MAP7: variants seen among roughly 807,000 people sequenced by gnomAD.
The protein encoded by MAP7 is microtubule associated protein 7, also known as ensconsin.
In MAP7, 52 loss-of-function variants were observed where a neutral mutation model predicts 94.8. The observed-to-expected ratio is 0.55, with a 90% CI of 0.44 to 0.69. MAP7 has a LOEUF of 0.69. Ranked by LOEUF, MAP7 falls within the 30% of genes least tolerant of loss-of-function variation. The pLI, the probability that MAP7 is intolerant of heterozygous loss-of-function variation, is 0.00. For synonymous variants in MAP7, 350 were observed against 357.0 expected (o/e 0.98, Z 0.22); for missense variants, 940 against 964.6 (o/e 0.97, Z 0.34).
intron 1 of MAP7, among the ~76,000 whole-genome samples, chr6:136,429,956 C>T (rs1794418382): frequency 1.3e-5 from 2 of 152,162 alleles, no homozygotes; most frequent in South Asian, 4.1e-4. Flanking sequence ...ATTATCCCTG[C>T]CCCACAACAT....
chr6:136,504,779 C>T (rs1306422358), intron 1 of MAP7, among the ~76,000 whole-genome samples: 1 of 152,202 alleles, frequency 6.6e-6, no homozygotes, highest in Non-Finnish European at 1.5e-5. Flanking sequence ...CTCCCAGGTT[C>T]AAGCGATTCT....
At chr6:136,366,206 G>A (rs1206853182) in intron 9 of MAP7, 121 bp downstream of exon 9, 1 of 1,049,090 alleles carries the variant, frequency 9.5e-7, no homozygotes, top group Non-Finnish European at 1.4e-6. Flanking sequence ...TTCCTTTTGG[G>A]AAGAATGCTA....
chr6:136,526,071 T>G, intron 1 of MAP7: 1 of 1,435,102 alleles, frequency 7.0e-7, no homozygotes. Context: ...TGCCTGTTCA[T>G]TTGAGCACTT....
chr6:136,457,090 A>T (rs1803522583), intron 1 of MAP7, among the ~76,000 whole-genome samples: 1 of 151,762 alleles, frequency 6.6e-6, no homozygotes, highest in Admixed American at 6.6e-5. Context: ...AACAAAAAAA[A>T]ATCAGAGATG....
intron 2 of MAP7, among the ~76,000 whole-genome samples, chr6:136,419,553 A>G (rs1790583233): frequency 6.6e-6 from 1 of 152,122 alleles, no homozygotes; most frequent in African/African-American, 2.4e-5. Flanking sequence ...TATAGTATAA[A>G]GAAGGCTGAT....
At chr6:136,403,769 C>T (rs1784818788) in intron 3 of MAP7, among the ~76,000 whole-genome samples, 2 of 152,216 alleles carry the variant, frequency 1.3e-5, no homozygotes, top group Non-Finnish European at 2.9e-5. Flanking sequence ...TCAGCTTCTG[C>T]TTACCTAATC....
intron 3 of MAP7, among the ~76,000 whole-genome samples, chr6:136,395,356 A>G (rs895042101): frequency 2.3e-5 from 3 of 132,512 alleles, no homozygotes; most frequent in Admixed American, 2.2e-4. Context: ...GGTTATTTCT[A>G]TGTCTTCTTT....
At chr6:136,363,337 TG>T (rs986432773) in intron 10 of MAP7, among the ~76,000 whole-genome samples, 2 of 152,354 alleles carry the variant, frequency 1.3e-5, no homozygotes, top group East Asian at 3.9e-4. Context: ...CCTAGAGAGC[TG>T]GTGCCCCAGA....
chr6:136,434,526 T>C (rs548819780), intron 1 of MAP7, among the ~76,000 whole-genome samples: 3 of 151,856 alleles, frequency 2.0e-5, no homozygotes, highest in Non-Finnish European at 4.4e-5. Context: ...CTCTGACTCA[T>C]GTGGGAAAGA....
chr6:136,430,241 T>C (rs1794512446), intron 1 of MAP7, among the ~76,000 whole-genome samples: 1 of 152,196 alleles, frequency 6.6e-6, no homozygotes, highest in Non-Finnish European at 1.5e-5. Flanking sequence ...AACAACGAAC[T>C]GAAAAGAGGG....
intron 1 of MAP7, among the ~76,000 whole-genome samples, chr6:136,518,564 T>C (rs1197363312): frequency 6.6e-6 from 1 of 152,152 alleles, no homozygotes; most frequent in South Asian, 2.1e-4. Context: ...TAATATAACA[T>C]ATGGAAGGTG....
intron 3 of MAP7, among the ~76,000 whole-genome samples, chr6:136,411,374 A>G (rs1447520926): frequency 6.6e-6 from 1 of 152,232 alleles, no homozygotes; most frequent in East Asian, 1.9e-4. Flanking sequence ...AAGCTGTACC[A>G]TCACTCTACT....
chr6:136,386,933 C>T (rs943076182), intron 5 of MAP7, among the ~76,000 whole-genome samples: 1 of 152,170 alleles, frequency 6.6e-6, no homozygotes, highest in African/African-American at 2.4e-5. Context: ...GCCTCAGCCT[C>T]CTAAGTAGGT....
Position 136,383,773 on chromosome 6 carries a change from T to G in MAP7, c.535A>C (p.Arg179=). ...AGATTCATGGTGGAAACTGACCGCCTGTCTGGATCTAAAACAAATGGAGAT... is the reference window on the plus strand; with the variant it reads ...AGATTCATGGTGGAAACTGACCGCCGGTCTGGATCTAAAACAAATGGAGAT... ...SPSIHSADPD[R]RSVSTMNLSK... is the part of the protein sequence containing the mutation. Residue 179 remains arginine (R), a synonymous_variant, in exon 6 of 18, where the codon AGG becomes CGG. Transcript: ENST00000354570. The G allele has an allele frequency of 6.3e-7, 1 of 1,599,244 alleles. No homozygotes were observed. Among genetic ancestry groups the G allele is most frequent in the Non-Finnish European group, 8.6e-7 (1 of 1,167,702 alleles).
At position 136,370,490 on chromosome 6, in the gene MAP7, C is replaced by T. The variant is rs75182264; in HGVS notation, c.876+2011G>A. 6.1e-3 allele frequency among the ~76,000 whole-genome samples: 928 copies of T among 152,198 alleles called. 8 individuals are homozygous for T. Among genetic ancestry groups the T allele is most frequent in the African/African-American group, 0.021 (880 of 41,502 alleles). ...ATAGCAGCGTTATTCACAATAGCCA[C>T]GAGGTGAAAGCAACCCAAATGTTCA... On this transcript the variant is annotated intron_variant, in intron 8 of 17. Transcript: ENST00000354570.
rs747352263 is a variant in MAP7 at position 136,360,035 on chromosome 6, T to C, written c.1804-4A>G. 2.2e-5 allele frequency: 36 copies of C among 1,610,752 alleles called. No homozygotes were observed. The highest frequency in any genetic ancestry group is 3.0e-5 in the Non-Finnish European group (35 of 1,178,918). On this transcript the variant is annotated splice_polypyrimidine_tract_variant and splice_region_variant and intron_variant, in intron 13 of 17. Coordinates refer to ENST00000354570, the MANE Select transcript of MAP7 (RefSeq NM_003980.6). ...TTTTCATAATCTCCTCAAGTCGCTATAGGAAAGGAAGAATTGAGCAAGAAG... is the reference window on the plus strand; with the variant it reads ...TTTTCATAATCTCCTCAAGTCGCTACAGGAAAGGAAGAATTGAGCAAGAAG...
intron 1 of MAP7, among the ~76,000 whole-genome samples, chr6:136,534,743 C>G (rs1355433677): frequency 6.6e-6 from 1 of 152,152 alleles, no homozygotes; most frequent in Non-Finnish European, 1.5e-5. Flanking sequence ...CTAATGATCA[C>G]CCTTTGAGAA....
At chr6:136,377,721 C>T (rs751049057) in intron 7 of MAP7, 34 bp downstream of exon 7, 2 of 1,510,880 alleles carry the variant, frequency 1.3e-6, no homozygotes, top group South Asian at 2.2e-5. Context: ...GAGGACTTGA[C>T]CTCATGGGGA....
At chr6:136,530,962 T>C (rs1388389229) in intron 1 of MAP7, among the ~76,000 whole-genome samples, 1 of 144,720 alleles carries the variant, frequency 6.9e-6, no homozygotes, top group Non-Finnish European at 1.5e-5. Flanking sequence ...GTCTGCTCTA[T>C]CATAAACAAA....
Sources: gnomAD v4.1 joint callset for allele counts (sites outside exome capture counted in the v4.1 genomes callset) on GRCh38, gnomAD v4.1.1 for gene constraint, MANE v1.5 for transcripts, NCBI Gene and HGNC (gene_info 2026-07-23, HGNC 2026-07-21) for gene names.